The following ASXL1 variants were observed in gnomAD, a reference collection of about 807,000 sequenced individuals.
The protein encoded by ASXL1 is polycomb group protein ASXL1.
A neutral mutation model predicts 89.1 loss-of-function variants in ASXL1; 65 were observed. That is an observed-to-expected ratio of 0.73 (90% CI 0.60 to 0.90). The LOEUF is 0.90. Ranked by LOEUF, ASXL1 falls within the 40% of genes least tolerant of loss-of-function variation. The probability of loss-of-function intolerance (pLI) is 0.00; values close to 1 mark genes in which losing one functional copy is unlikely to be tolerated. For missense variants in ASXL1, 1,786 were observed against 1,942.9 expected, an observed-to-expected ratio of 0.92 and a Z score of 1.52; for synonymous variants, 739 against 746.9, an observed-to-expected ratio of 0.99 and a Z score of 0.17.
At chr20:32,375,408 C>A (rs1276383049) in intron 4 of ASXL1, among the ~76,000 whole-genome samples, 1 of 150,678 alleles carries the variant, frequency 6.6e-6, no homozygotes, top group Non-Finnish European at 1.5e-5. Context: ...GAGATGGCAC[C>A]ACTGCACTGT....
chr20:32,411,300 T>C (rs1286468717), intron 4 of ASXL1, among the ~76,000 whole-genome samples: 1 of 130,968 alleles, frequency 7.6e-6, no homozygotes, highest in Non-Finnish European at 1.6e-5. Flanking sequence ...CAATCTCGGC[T>C]CACTGCAACC....
intron 8 of ASXL1, chr20:32,430,329 T>C (rs571004028): frequency 7.1e-5 from 28 of 394,146 alleles, no homozygotes; most frequent in Non-Finnish European, 1.2e-4. Flanking sequence ...ATAGTAAGTG[T>C]TTGAGTGAGT....
intron 4 of ASXL1, among the ~76,000 whole-genome samples, chr20:32,377,542 C>T (rs2048406366): frequency 6.6e-6 from 1 of 152,070 alleles, no homozygotes; most frequent in African/African-American, 2.4e-5. Context: ...TTTTTAGCAT[C>T]TTGGAATATT....
chr20:32,414,448 T>C (rs2049102318), intron 4 of ASXL1, among the ~76,000 whole-genome samples: 1 of 151,428 alleles, frequency 6.6e-6, no homozygotes, highest in East Asian at 1.9e-4. Flanking sequence ...GTAGTACGTG[T>C]CTGTGGTCCC....
chr20:32,433,723 A>G lies in ASXL1; in HGVS notation c.1525A>G (p.Ser509Gly), dbSNP rs2123265952. The change falls in exon 12 of 13, where the codon AGC becomes GGC. Residue 509 changes from serine to glycine, a missense_variant. Coordinates refer to ENST00000375687, the MANE Select transcript of ASXL1 (RefSeq NM_015338.6). ...RASASPDRIP[S>G]LPQETVDQEP... Reference sequence around the variant, plus strand: ...CTCTGCATCTCCAGACAGAATTCCTAGCCTGCCTCAGGAAACTGTGGATCA... The same window carrying G: ...CTCTGCATCTCCAGACAGAATTCCTGGCCTGCCTCAGGAAACTGTGGATCA... 3 of 1,613,412 alleles carry G rather than the reference A, an allele frequency of 1.9e-6. No homozygotes were observed. Among genetic ancestry groups the G allele is most frequent in the East Asian group, 2.2e-5 (1 of 44,870 alleles).
At chr20:32,424,558 C>T (rs6141716) in intron 4 of ASXL1, among the ~76,000 whole-genome samples, 51,897 of 151,964 alleles carry the variant, frequency 0.34, 10,181 homozygotes, top group East Asian at 0.74. Flanking sequence ...AAAAAACTGC[C>T]ACCTAGAGAT....
intron 4 of ASXL1, among the ~76,000 whole-genome samples, chr20:32,386,355 G>A (rs1002646179): frequency 1.3e-5 from 2 of 151,980 alleles, no homozygotes; most frequent in Non-Finnish European, 2.9e-5. Context: ...CTCATGGAAT[G>A]GAATGTTTGA....
Position 32,435,932 on chromosome 20 carries a change from C to G in ASXL1, c.3220C>G (p.Gln1074Glu), listed in dbSNP as rs2011826695. 1 of 1,614,028 alleles carries G rather than the reference C, an allele frequency of 6.2e-7. No homozygotes were observed. The highest frequency in any genetic ancestry group is 1.1e-5 in the South Asian group (1 of 91,088). ...SWVSRVCAVR[Q>E]KIPDSLLLAS... is the part of the protein sequence containing the mutation. ...GGTGTCTCGAGTATGTGCGGTCCGC[C>G]AAAAGATCCCAGATTCCCTACTGCT... Residue 1074 changes from glutamine to glutamate, a missense_variant, in exon 13 of 13, where the codon CAA becomes GAA. Gln to Glu is a conservative substitution (Grantham distance 29, BLOSUM62 2). This residue lies in a region of ASXL1 where 1,418 missense variants were observed against 1,427.8 expected (regional missense o/e 0.99). Coordinates refer to ENST00000375687, the MANE Select transcript of ASXL1 (RefSeq NM_015338.6).
In ASXL1 at chr20:32,435,944, G is replaced by T. The variant is rs1416128377; in HGVS notation, c.3232G>T (p.Asp1078Tyr). ...ATGTGCGGTCCGCCAAAAGATCCCA[G>T]ATTCCCTACTGCTGGCCAGTACTGA... is the stretch of plus-strand genomic sequence containing the variant. ...RVCAVRQKIP[D>Y]SLLLASTEYQ... The change falls in exon 13 of 13, where the codon GAT (aspartate) becomes TAT (tyrosine). Residue 1078 changes from aspartate (D) to tyrosine (Y), a missense_variant. Around this residue, in one of 3 missense-constraint regions of ASXL1, gnomAD observed 1,418 missense variants for 1,427.8 expected, o/e 0.99. Coordinates refer to ENST00000375687, the MANE Select transcript of ASXL1 (RefSeq NM_015338.6). 2 of 1,614,182 alleles carry T rather than the reference G, an allele frequency of 1.2e-6. No individual in the cohort carries two copies. Among genetic ancestry groups the T allele is most frequent in the Admixed American group, 1.7e-5 (1 of 60,024 alleles).
intron 1 of ASXL1, chr20:32,360,023 C>G (rs1267117619): frequency 1.9e-6 from 1 of 540,080 alleles, no homozygotes; most frequent in East Asian, 3.0e-5. Flanking sequence ...ACTTAATTTT[C>G]TCTCTTATTT....
intron 4 of ASXL1, chr20:32,427,644 A>T (rs1158526832): frequency 5.3e-6 from 1 of 187,726 alleles, no homozygotes; most frequent in African/African-American, 2.4e-5. Context: ...AACCCAGCTT[A>T]AGCAACACAT....
intron 1 of ASXL1, chr20:32,359,950 C>T (rs2048083122): frequency 3.0e-6 from 2 of 663,058 alleles, no homozygotes; most frequent in Non-Finnish European, 5.6e-6. Context: ...GCATAAGTGT[C>T]TCTTGACACT....
rs571065652 is a variant in ASXL1, at chr20:32,389,680, G to T, written c.252+20557G>T. Among the ~76,000 whole-genome samples, 22 of 152,246 alleles carry T rather than the reference G, an allele frequency of 1.4e-4. No individual in the cohort carries two copies. The South Asian group carries it at 3.3e-3, about 23-fold the overall frequency. ...GGCTCACTGCAACCTTTACTTACTG[G>T]GTTCAAGCGATTCTCCTGCCTCAGC... On this transcript the variant is annotated intron_variant, in intron 4 of 12. Coordinates refer to ENST00000375687, the MANE Select transcript of ASXL1 (RefSeq NM_015338.6).
intron 4 of ASXL1, chr20:32,371,720 C>G: frequency 2.3e-6 from 1 of 427,766 alleles, no homozygotes; most frequent in Non-Finnish European, 4.7e-6. Flanking sequence ...GTAGTCCCAC[C>G]TCAGCCTCCC....
At chr20:32,359,888 C>A in intron 1 of ASXL1, 1 of 714,972 alleles carries the variant, frequency 1.4e-6, no homozygotes, top group Middle Eastern at 2.3e-4. Context: ...ACAGGTTATA[C>A]TAAGATGTCA....
chr20:32,393,679 C>T (rs2048712131), intron 4 of ASXL1, among the ~76,000 whole-genome samples: 1 of 151,938 alleles, frequency 6.6e-6, no homozygotes, highest in Non-Finnish European at 1.5e-5. Flanking sequence ...ACCATATTGG[C>T]CAGGCTGGTC....
At chr20:32,392,042 T>C (rs962960509) in intron 4 of ASXL1, among the ~76,000 whole-genome samples, 2 of 152,072 alleles carry the variant, frequency 1.3e-5, no homozygotes, top group Non-Finnish European at 2.9e-5. Flanking sequence ...AATGTGTCTT[T>C]TACTTGGGAT....
rs888476433 is a variant in ASXL1, at chr20:32,376,356, C to A, written c.252+7233C>A. On this transcript the variant is annotated intron_variant, in intron 4 of 12. Coordinates refer to ENST00000375687, the MANE Select transcript of ASXL1 (RefSeq NM_015338.6). ...GTGGCGCAATCTCGGCTCACTGTAA[C>A]CTCTGCCTCCCGGGTTGAAGTGATC... 2.6e-5 allele frequency among the ~76,000 whole-genome samples: 4 copies of A among 151,968 alleles called. No individual in the cohort carries two copies. In the South Asian group the frequency reaches 8.3e-4, roughly 32 times the overall value.
intron 1 of ASXL1, chr20:32,359,458 A>T (rs1226714017): frequency 1.4e-6 from 1 of 693,514 alleles, no homozygotes; most frequent in African/African-American, 1.8e-5. Flanking sequence ...GCCCTTCGTA[A>T]GACCTGCTGA....
Sources: gnomAD v4.1 joint callset for allele counts (sites outside exome capture counted in the v4.1 genomes callset) on GRCh38, gnomAD v4.1.1 for gene constraint, gnomAD v4.1.1 regional missense constraint, MANE v1.5 for transcripts, NCBI Gene and HGNC (gene_info 2026-07-23, HGNC 2026-07-21) for gene names.